The following CD48 variants were observed in gnomAD, a reference collection of about 807,000 sequenced individuals.
CD48 encodes the protein CD48 molecule, also known as CD48 antigen.
A neutral mutation model predicts 22.0 loss-of-function variants in CD48; 20 were observed. The observed-to-expected ratio is 0.91, with a 90% CI of 0.64 to 1.32. The LOEUF is 1.32. Among genes scored for constraint, CD48 ranks in the 40% most tolerant of loss-of-function variants. The pLI is 0.00. For synonymous variants in CD48, 110 were observed against 110.1 expected (o/e 1.00, Z 0.01); for missense variants, 307 against 286.5 (o/e 1.07, Z -0.52).
intron 1 of CD48, among the ~76,000 whole-genome samples, chr1:160,711,073 G>T (rs1662931177): frequency 6.6e-6 from 1 of 152,146 alleles, no homozygotes; most frequent in South Asian, 2.1e-4. Context: ...GACCGAACAG[G>T]CTGTGGCAGA....
intron 1 of CD48, among the ~76,000 whole-genome samples, chr1:160,705,172 TG>T (rs1346090868): frequency 2.0e-5 from 3 of 152,226 alleles, no homozygotes; most frequent in Admixed American, 1.3e-4. Context: ...TTCAAGTTCC[TG>T]TTCATTCAGC....
At chr1:160,689,616 C>G (rs374674641) in intron 1 of CD48, among the ~76,000 whole-genome samples, 26 of 152,284 alleles carry the variant, frequency 1.7e-4, no homozygotes, top group African/African-American at 6.3e-4. Flanking sequence ...AGATGGGTCT[C>G]CACTGCCATC....
rs145556069 is a variant in CD48, at chr1:160,710,522, G to A, written c.82+1160C>T. Among the ~76,000 whole-genome samples, 341 of 152,296 alleles carry A rather than the reference G, an allele frequency of 2.2e-3. 1 individual carries two copies. Among genetic ancestry groups the A allele is most frequent in the Non-Finnish European group, 3.8e-3 (257 of 68,016 alleles). The stretch of plus-strand genomic sequence containing the variant: ...AATGACCAAGATGAAGCCTAGAAAA[G>A]AAGTCAGAGAAAGGTCAACTGTCAG... On this transcript the variant is annotated intron_variant, in intron 1 of 3. Transcript: ENST00000368046.
intron 1 of CD48, among the ~76,000 whole-genome samples, chr1:160,687,416 G>T (rs1307512979): frequency 2.0e-5 from 3 of 152,134 alleles, no homozygotes; most frequent in Admixed American, 1.3e-4. Context: ...ACAGGCATAG[G>T]AAATCACAAG....
intron 1 of CD48, among the ~76,000 whole-genome samples, chr1:160,688,696 G>A (rs751080614): frequency 6.6e-6 from 1 of 152,158 alleles, no homozygotes; most frequent in South Asian, 2.1e-4. Flanking sequence ...CAAAGTTCTG[G>A]GTGTTCTGGG....
intron 1 of CD48, among the ~76,000 whole-genome samples, chr1:160,707,124 G>T (rs1050274454): frequency 3.9e-5 from 6 of 152,080 alleles, no homozygotes; most frequent in Admixed American, 3.3e-4. Context: ...CAAGACCTCA[G>T]GTTTGTGTCT....
At chr1:160,701,861 G>A (rs186039251) in intron 1 of CD48, among the ~76,000 whole-genome samples, 5 of 152,238 alleles carry the variant, frequency 3.3e-5, no homozygotes, top group African/African-American at 4.8e-5. Context: ...CAGAAACTTC[G>A]GCACCAGTAT....
At chr1:160,690,927 T>C (rs1425017897) in intron 1 of CD48, among the ~76,000 whole-genome samples, 2 of 152,164 alleles carry the variant, frequency 1.3e-5, no homozygotes, top group Non-Finnish European at 2.9e-5. Flanking sequence ...CCCAACCCCG[T>C]GCTCTCTGAA....
chr1:160,685,120 T>G lies in CD48; in HGVS notation c.152A>C (p.Glu51Ala). Residue 51 changes from glutamate (E) to alanine (A), a missense_variant, in exon 2 of 4, where the codon GAG becomes GCG. Coordinates refer to ENST00000368046, the MANE Select transcript of CD48 (RefSeq NM_001778.4). ...VTLNISESLP[E>A]NYKQLTWFYT... ...AAACCAGGTTAGTTGTTTGTAGTTC[T>G]CAGGCAGGCTCTCAGAGATGTTCAG... The G allele has an allele frequency of 6.2e-7, 1 of 1,614,030 alleles. No individual in the cohort carries two copies. Among genetic ancestry groups the G allele is most frequent in the Non-Finnish European group, 8.5e-7 (1 of 1,179,870 alleles).
intron 1 of CD48, among the ~76,000 whole-genome samples, chr1:160,694,727 C>A (rs980010285): frequency 2.2e-4 from 34 of 151,966 alleles, no homozygotes; most frequent in African/African-American, 8.2e-4. Context: ...TAAAATAAAT[C>A]ACGGAAGAGA....
In CD48 at chr1:160,685,086, G is replaced by A. The variant is rs200699471; in HGVS notation, c.186C>T (p.Phe62=). 4.2e-5 allele frequency: 67 copies of A among 1,614,076 alleles called. 1 individual carries two copies. Among genetic ancestry groups the A allele is most frequent in the South Asian group, 9.9e-5 (9 of 91,080 alleles). ...AATCCCATTCTACAATCTTCTGGTC[G>A]AAAGTATAAAACCAGGTTAGTTGTT... ...NYKQLTWFYT[F]DQKIVEWDSR... The change falls in exon 2 of 4, where the codon TTC becomes TTT. Residue 62 remains phenylalanine, a synonymous_variant. Transcript: ENST00000368046.
chr1:160,682,686 G>A (rs10489637), intron 2 of CD48, among the ~76,000 whole-genome samples: 52,070 of 151,910 alleles, frequency 0.34, 10,035 homozygotes, highest in African/African-American at 0.54. Context: ...ACCTCATCGC[G>A]CAATGTTAGT....
chr1:160,711,438 G>A (rs925328691), intron 1 of CD48, among the ~76,000 whole-genome samples: 1 of 152,188 alleles, frequency 6.6e-6, no homozygotes, highest in Admixed American at 6.5e-5. Context: ...AATATGAGGA[G>A]CCTACTTCTC....
chr1:160,681,749 G>A lies in CD48; in HGVS notation c.386-281C>T, dbSNP rs1027146661. Among the ~76,000 whole-genome samples, 9 of 152,142 alleles carry A rather than the reference G, an allele frequency of 5.9e-5. 1 individual carries two copies. The highest frequency in any genetic ancestry group is 6.3e-3 in the Middle Eastern group (2 of 316). On this transcript the variant is annotated intron_variant, in intron 2 of 3. Transcript: ENST00000368046. The stretch of plus-strand genomic sequence containing the variant: ...CTGGGAACAAAATGGGGTTATGATC[G>A]TGTGTGAGCCTGAACGAACAGCCCA...
intron 1 of CD48, among the ~76,000 whole-genome samples, chr1:160,687,995 G>A (rs928911813): frequency 6.6e-6 from 1 of 152,172 alleles, no homozygotes; most frequent in African/African-American, 2.4e-5. Flanking sequence ...TAGGAATACG[G>A]GGTGATGCAG....
intron 3 of CD48, 139 bp downstream of exon 3, chr1:160,681,063 C>G (rs114879544): frequency 6.6e-7 from 1 of 1,518,134 alleles, no homozygotes; most frequent in South Asian, 1.2e-5. Flanking sequence ...GCAGAACCCA[C>G]GTCTCCCAGC....
intron 2 of CD48, among the ~76,000 whole-genome samples, chr1:160,682,925 C>T (rs769239003): frequency 1.3e-5 from 2 of 152,166 alleles, no homozygotes; most frequent in African/African-American, 2.4e-5. Context: ...AACTCAAATC[C>T]CATAAGATTA....
intron 1 of CD48, among the ~76,000 whole-genome samples, chr1:160,703,637 G>C (rs1484871399): frequency 6.6e-6 from 1 of 152,188 alleles, no homozygotes; most frequent in Non-Finnish European, 1.5e-5. Context: ...AGAACACACT[G>C]TATAGTATGT....
intron 1 of CD48, among the ~76,000 whole-genome samples, chr1:160,694,330 C>T (rs193195274): frequency 2.6e-5 from 4 of 152,228 alleles, no homozygotes; most frequent in Admixed American, 6.5e-5. Context: ...TGTGTAAGGC[C>T]GTTATTCAAG....
Sources: allele counts gnomAD v4.1 joint callset (sites outside exome capture counted in the v4.1 genomes callset), GRCh38; gene constraint gnomAD v4.1.1; transcripts MANE v1.5; gene names NCBI Gene and HGNC (gene_info 2026-07-23, HGNC 2026-07-21).